Variants in LMO7 observed in about 807,000 individuals in gnomAD.
The protein encoded by LMO7 is LIM domain 7, also known as LIM domain only protein 7.
A neutral mutation model predicts 206.5 loss-of-function variants in LMO7; 120 were observed. That is an observed-to-expected ratio of 0.58 (90% CI 0.50 to 0.68). LMO7 has a LOEUF of 0.68. Ranked by LOEUF, LMO7 falls within the 30% of genes least tolerant of loss-of-function variation. The probability of loss-of-function intolerance (pLI) is 0.00; values close to 1 mark genes in which losing one functional copy is unlikely to be tolerated. For missense variants in LMO7, 1,959 were observed against 1,957.9 expected (o/e 1.00, Z -0.01); for synonymous variants, 706 against 681.5 (o/e 1.04, Z -0.56).
chr13:75,812,112 T>TGG (rs1261118371), intron 11 of LMO7, among the ~76,000 whole-genome samples: 2 of 151,930 alleles, frequency 1.3e-5, no homozygotes, highest in African/African-American at 4.8e-5. Context: ...TGGGTGGGGG[T>TGG]GTGTGTGCTA....
chr13:75,783,520 A>G (rs2051894917), intron 4 of LMO7, among the ~76,000 whole-genome samples: 1 of 152,118 alleles, frequency 6.6e-6, no homozygotes, highest in Non-Finnish European at 1.5e-5. Context: ...AAGGGGTTTC[A>G]TCATGTTGGC....
At chr13:75,721,049 CT>C (rs2043979794) in intron 2 of LMO7, among the ~76,000 whole-genome samples, 1 of 151,994 alleles carries the variant, frequency 6.6e-6, no homozygotes, top group Non-Finnish European at 1.5e-5. Flanking sequence ...AAGGCATTTA[CT>C]TAATTAAGAT....
At chr13:75,805,942 C>A in intron 9 of LMO7, 182 bp downstream of exon 9, 1 of 1,127,500 alleles carries the variant, frequency 8.9e-7, no homozygotes, top group Non-Finnish European at 1.2e-6. Flanking sequence ...GGATCTAGAT[C>A]TTAAAAAGCC....
chr13:75,735,093 G>A lies in LMO7; in HGVS notation c.210+7995G>A, dbSNP rs188631268. On this transcript the variant is annotated intron_variant, in intron 3 of 30. Coordinates refer to ENST00000377534, the MANE Select transcript of LMO7 (RefSeq NM_001306080.2). Reference sequence around the variant, plus strand: ...AGCCTGTGCGACAGAGCGAGACTCCGTCTCAAAAAAAAAAAAAAATTACGT... The same window carrying A: ...AGCCTGTGCGACAGAGCGAGACTCCATCTCAAAAAAAAAAAAAAATTACGT... Among the ~76,000 whole-genome samples, 668 of 144,466 alleles carry A rather than the reference G, an allele frequency of 4.6e-3. 7 individuals are homozygous for A. Among genetic ancestry groups the A allele is most frequent in the African/African-American group, 0.016 (634 of 39,218 alleles). 94.8% of individuals were successfully genotyped at this position (144,466 alleles called of 152,430 possible). A position where few individuals can be genotyped will look rare whatever the true frequency, so the allele number is the denominator to read the frequency against.
At chr13:75,646,716 T>C (rs577348828) in intron 1 of LMO7, among the ~76,000 whole-genome samples, 4 of 152,254 alleles carry the variant, frequency 2.6e-5, no homozygotes, top group African/African-American at 9.6e-5. Flanking sequence ...CCCAAGTAGC[T>C]GGGATTACAG....
intron 4 of LMO7, among the ~76,000 whole-genome samples, chr13:75,786,293 G>A (rs961864139): frequency 1.3e-5 from 2 of 152,012 alleles, no homozygotes; most frequent in Admixed American, 1.3e-4. Context: ...GGTCTTGCTG[G>A]TTTCTCCTCT....
intron 1 of LMO7, among the ~76,000 whole-genome samples, chr13:75,646,455 G>A (rs2037016443): frequency 2.0e-5 from 3 of 152,216 alleles, no homozygotes; most frequent in African/African-American, 7.2e-5. Flanking sequence ...AATTTTTAAG[G>A]CAGTCTCTAG....
intron 1 of LMO7, among the ~76,000 whole-genome samples, chr13:75,676,892 C>T (rs2040058741): frequency 1.3e-5 from 2 of 152,048 alleles, no homozygotes; most frequent in South Asian, 4.1e-4. Context: ...CAAATTGTAA[C>T]TTGGAATTAC....
intron 9 of LMO7, chr13:75,807,187 A>C: frequency 6.5e-6 from 2 of 309,734 alleles, no homozygotes; most frequent in Non-Finnish European, 6.0e-6. Context: ...TGTGCCTGGG[A>C]GGGGTACCTA....
intron 1 of LMO7, among the ~76,000 whole-genome samples, chr13:75,637,290 G>A (rs1320947126): frequency 1.3e-5 from 2 of 152,176 alleles, no homozygotes; most frequent in Non-Finnish European, 2.9e-5. Flanking sequence ...AGGGGGTAGG[G>A]GCCGGGGCAT....
In LMO7 at chr13:75,795,414, G is replaced by A; in HGVS notation, c.331G>A (p.Asp111Asn). The A allele has an allele frequency of 1.3e-6, 2 of 1,589,850 alleles. No individual in the cohort carries two copies. The change falls in exon 5 of 31, where the codon GAC (aspartate) becomes AAC (asparagine). Residue 111 changes from aspartate (D) to asparagine (N), a missense_variant. Coordinates refer to ENST00000377534, the MANE Select transcript of LMO7 (RefSeq NM_001306080.2). ...NRVTVKQEET[D>N]RRVKNVLITL... Reference sequence around the variant, plus strand: ...CTTTCTTTACAGGCAAGAAGAGACTGACAGGAGAGTGAAAAATGTAAGATA... The same window carrying A: ...CTTTCTTTACAGGCAAGAAGAGACTAACAGGAGAGTGAAAAATGTAAGATA...
chr13:75,833,721 G>GT lies in LMO7; in HGVS notation c.3065-497dup, dbSNP rs201944521. 1.1e-3 allele frequency among the ~76,000 whole-genome samples: 164 copies of GT among 151,810 alleles called. 1 individual carries two copies. The highest frequency in any genetic ancestry group is 2.6e-3 in the Admixed American group (39 of 15,218). On this transcript the variant is annotated intron_variant, in intron 16 of 30. Transcript: ENST00000377534. ...CCTTTATTTTTACTTTTATTTTTTA[G>GT]TTTTTTTTACATATTTTAGCTATAT... is the stretch of plus-strand genomic sequence containing the variant.
intron 1 of LMO7, among the ~76,000 whole-genome samples, chr13:75,656,878 T>G (rs1027522772): frequency 6.6e-6 from 1 of 152,240 alleles, no homozygotes; most frequent in African/African-American, 2.4e-5. Context: ...CCAGGCTTAC[T>G]CTTTAATATT....
intron 15 of LMO7, 137 bp downstream of exon 15, chr13:75,824,010 G>A: frequency 1.4e-6 from 1 of 694,426 alleles, no homozygotes. Flanking sequence ...GGTTTACTTT[G>A]AACAGATCTT....
At chr13:75,818,505 G>A (rs542055864) in intron 12 of LMO7, among the ~76,000 whole-genome samples, 1 of 152,172 alleles carries the variant, frequency 6.6e-6, no homozygotes, top group East Asian at 1.9e-4. Context: ...CTTGTAAAAT[G>A]TCTTAACCCC....
At chr13:75,691,725 G>A (rs1218506704) in intron 1 of LMO7, among the ~76,000 whole-genome samples, 1 of 152,186 alleles carries the variant, frequency 6.6e-6, no homozygotes, top group Non-Finnish European at 1.5e-5. Context: ...TTAGCCTGAA[G>A]TGTTCACATG....
intron 1 of LMO7, among the ~76,000 whole-genome samples, chr13:75,623,101 T>C (rs568027067): frequency 6.6e-6 from 1 of 152,358 alleles, no homozygotes; most frequent in South Asian, 2.1e-4. Flanking sequence ...TAATTGTGTT[T>C]GACTCTTTTG....
intron 3 of LMO7, among the ~76,000 whole-genome samples, chr13:75,755,373 T>C (rs1264022192): frequency 6.6e-6 from 1 of 152,168 alleles, no homozygotes; most frequent in Non-Finnish European, 1.5e-5. Context: ...TCCATAATGG[T>C]ATTCTCTTCC....
chr13:75,703,269 AG>A (rs1208975821), intron 1 of LMO7, among the ~76,000 whole-genome samples: 1 of 152,184 alleles, frequency 6.6e-6, no homozygotes, highest in Non-Finnish European at 1.5e-5. Flanking sequence ...TTGATTTAAA[AG>A]TGATGAGGGT....
Sources: allele counts gnomAD v4.1 joint callset (sites outside exome capture counted in the v4.1 genomes callset), GRCh38; gene constraint gnomAD v4.1.1; transcripts MANE v1.5; gene names NCBI Gene and HGNC (gene_info 2026-07-23, HGNC 2026-07-21).